The following PCCA variants were observed in gnomAD, a reference collection of about 807,000 sequenced individuals.
The protein encoded by PCCA is propionyl-CoA carboxylase alpha chain, mitochondrial.
Under a neutral mutation model 101.3 loss-of-function variants are expected in PCCA, and 74 were observed. The ratio of observed to expected loss-of-function variants is 0.73; its 90% CI spans 0.61 to 0.89. The LOEUF (loss-of-function observed/expected upper bound fraction) is 0.89. Among genes scored for constraint, PCCA ranks in the 40% least tolerant of loss-of-function variants. PCCA has a pLI of 0.00. For missense variants in PCCA, 891 were observed against 907.0 expected, an observed-to-expected ratio of 0.98 and a Z score of 0.23; for synonymous variants, 294 against 313.6, an observed-to-expected ratio of 0.94 and a Z score of 0.66.
intron 6 of PCCA, among the ~76,000 whole-genome samples, chr13:100,184,794 T>C (rs1277475008): frequency 6.6e-6 from 1 of 152,232 alleles, no homozygotes; most frequent in Non-Finnish European, 1.5e-5. Context: ...TTTTCAACTA[T>C]TTAAAAACAT....
chr13:100,221,600 A>G (rs948145466), intron 7 of PCCA, among the ~76,000 whole-genome samples: 2 of 152,140 alleles, frequency 1.3e-5, no homozygotes, highest in African/African-American at 2.4e-5. Flanking sequence ...GTAACATCCT[A>G]TTACACTCTC....
chr13:100,444,430 CCTTTTTT>C (rs1335332195), intron 20 of PCCA, among the ~76,000 whole-genome samples: 2 of 115,598 alleles, frequency 1.7e-5, no homozygotes, highest in African/African-American at 6.3e-5. Flanking sequence ...TTTTGAACAA[CCTTTTTT>C]TTTTTTTTTT....
At chr13:100,089,375 C>T (rs556100159) in intron 1 of PCCA, 150 bp downstream of exon 1, 6 of 1,128,774 alleles carry the variant, frequency 5.3e-6, no homozygotes, top group Non-Finnish European at 6.9e-6. Flanking sequence ...TTTCCTCCCT[C>T]CCGGAGTTCG....
chr13:100,408,115 G>C (rs2077800466), intron 19 of PCCA, among the ~76,000 whole-genome samples: 1 of 152,230 alleles, frequency 6.6e-6, no homozygotes, highest in Non-Finnish European at 1.5e-5. Context: ...TTGCACGACT[G>C]CACTCCAGCC....
chr13:100,296,098 A>G (rs1438515362), intron 12 of PCCA, among the ~76,000 whole-genome samples: 2 of 152,214 alleles, frequency 1.3e-5, no homozygotes, highest in Non-Finnish European at 2.9e-5. Context: ...ACTATCTGCT[A>G]TTGTATAACT....
At chr13:100,399,204 C>T (rs930440758) in intron 19 of PCCA, among the ~76,000 whole-genome samples, 11 of 151,956 alleles carry the variant, frequency 7.2e-5, no homozygotes, top group South Asian at 2.1e-4. Context: ...AAATTACTCA[C>T]GTATTCAAAT....
At chr13:100,300,808 A>G (rs763713870) in intron 12 of PCCA, among the ~76,000 whole-genome samples, 1 of 152,260 alleles carries the variant, frequency 6.6e-6, no homozygotes, top group Non-Finnish European at 1.5e-5. Flanking sequence ...AGGTACATGC[A>G]TGACAGCATC....
At chr13:100,282,880 A>G (rs139812086) in intron 12 of PCCA, among the ~76,000 whole-genome samples, 21 of 152,168 alleles carry the variant, frequency 1.4e-4, no homozygotes, top group African/African-American at 3.9e-4. Flanking sequence ...TCCCCTTCCT[A>G]TGAATGATAA....
At chr13:100,292,667 C>G (rs2065219016) in intron 12 of PCCA, among the ~76,000 whole-genome samples, 1 of 152,134 alleles carries the variant, frequency 6.6e-6, no homozygotes, top group Non-Finnish European at 1.5e-5. Flanking sequence ...AGATGGCAAG[C>G]CACATATTAA....
intron 12 of PCCA, among the ~76,000 whole-genome samples, chr13:100,277,275 C>T (rs1268348045): frequency 1.3e-5 from 2 of 152,050 alleles, no homozygotes; most frequent in Non-Finnish European, 1.5e-5. Flanking sequence ...CTCTTATCTT[C>T]GTGGTTATGC....
intron 21 of PCCA, among the ~76,000 whole-genome samples, chr13:100,508,801 C>T (rs2086260877): frequency 6.6e-6 from 1 of 152,124 alleles, no homozygotes; most frequent in African/African-American, 2.4e-5. Flanking sequence ...TTTGTGTTGC[C>T]TTAATGCTTG....
At chr13:100,517,630 G>A (rs898437027) in intron 22 of PCCA, among the ~76,000 whole-genome samples, 1 of 152,138 alleles carries the variant, frequency 6.6e-6, no homozygotes, top group East Asian at 1.9e-4. Flanking sequence ...TCAGGACCTC[G>A]GGATCTGTCA....
chr13:100,344,218 A>G (rs550571156), intron 18 of PCCA, among the ~76,000 whole-genome samples: 2 of 152,256 alleles, frequency 1.3e-5, no homozygotes, highest in Admixed American at 6.5e-5. Flanking sequence ...TGGAAGATAC[A>G]TGTAAAAATA....
At chr13:100,345,522 A>G (rs1161412366) in intron 18 of PCCA, among the ~76,000 whole-genome samples, 9 of 152,212 alleles carry the variant, frequency 5.9e-5, no homozygotes, top group Non-Finnish European at 1.0e-4. Flanking sequence ...AGCTTAGTTC[A>G]TGAGATTTAA....
intron 17 of PCCA, among the ~76,000 whole-genome samples, chr13:100,331,945 T>C (rs2069659919): frequency 6.7e-6 from 1 of 148,630 alleles, no homozygotes. Flanking sequence ...TTTTTTTTTT[T>C]TTTTTTTTTT....
chr13:100,097,000 A>G (rs2046830727), intron 1 of PCCA, among the ~76,000 whole-genome samples: 1 of 152,172 alleles, frequency 6.6e-6, no homozygotes, highest in Non-Finnish European at 1.5e-5. Context: ...CATTCTGGCT[A>G]ACATGGTGAA....
chr13:100,478,651 C>T lies in PCCA; in HGVS notation c.1899+29346C>T, dbSNP rs189713251. On this transcript the variant is annotated intron_variant, in intron 21 of 23. Transcript: ENST00000376285. ...GGTCAGGAGGGCTCGCCTGCCTCTT[C>T]ACAGCCAGGCGTACTGTAGCGGCCT... Among the ~76,000 whole-genome samples the T allele has an allele frequency of 2.0e-3, 302 of 152,296 alleles. 4 individuals are homozygous for T. The highest frequency in any genetic ancestry group is 7.1e-3 in the African/African-American group (293 of 41,548).
chr13:100,304,940 T>C (rs2066338600), intron 14 of PCCA, among the ~76,000 whole-genome samples: 1 of 152,218 alleles, frequency 6.6e-6, no homozygotes, highest in African/African-American at 2.4e-5. Context: ...TTTGTAAATT[T>C]GTTATTTTCA....
At chr13:100,123,795 A>T (rs1208758796) in intron 4 of PCCA, among the ~76,000 whole-genome samples, 1 of 152,192 alleles carries the variant, frequency 6.6e-6, no homozygotes, top group Non-Finnish European at 1.5e-5. Context: ...AGGCAGTGGG[A>T]TGATGTGGGA....
Sources: allele counts gnomAD v4.1 joint callset (sites outside exome capture counted in the v4.1 genomes callset), GRCh38; gene constraint gnomAD v4.1.1; transcripts MANE v1.5; gene names NCBI Gene and HGNC (gene_info 2026-07-23, HGNC 2026-07-21).